Variants in TRAPPC2L observed in about 807,000 individuals in gnomAD.
TRAPPC2L encodes trafficking protein particle complex subunit 2L.
TRAPPC2L carries 17 observed loss-of-function variants against 13.2 expected under a neutral mutation model. That is an observed-to-expected ratio of 1.29 (90% CI 0.88 to 1.93). The LOEUF (loss-of-function observed/expected upper bound fraction) is 1.93, where lower values mean the gene tolerates loss of function less well. Ranked by LOEUF, TRAPPC2L falls within the 30% of genes most tolerant of loss-of-function variation. TRAPPC2L has a pLI of 0.00. For synonymous variants in TRAPPC2L, 150 were observed against 98.1 expected, an observed-to-expected ratio of 1.53 and a Z score of -3.12; for missense variants, 359 against 252.1, an observed-to-expected ratio of 1.42 and a Z score of -2.87.
At chr16:88,859,361 G>C in intron 2 of TRAPPC2L, 1 of 688,898 alleles carries the variant, frequency 1.5e-6, no homozygotes, top group Non-Finnish European at 2.7e-6. Context: ...TTCCGGGCCA[G>C]GCATTGATTC....
intron 1 of TRAPPC2L, chr16:88,857,518 G>C (rs934444797): frequency 4.1e-5 from 14 of 344,438 alleles, no homozygotes; most frequent in Non-Finnish European, 5.8e-5. Context: ...GTCCAGCGCT[G>C]GTTCCCCGCG....
At chr16:88,856,612 C>T (rs1967912563), upstream of TRAPPC2L, 1 of 568,112 alleles carries the variant, frequency 1.8e-6, no homozygotes, top group African/African-American at 2.0e-5. Flanking sequence ...CTCCTCCCCG[C>T]GCGGGGCCTC....
chr16:88,860,777 C>T (rs770360268), exon 4 of TRAPPC2L: 1 of 946,770 alleles, frequency 1.1e-6, no homozygotes, highest in Non-Finnish European at 1.6e-6. Context: ...GTCCTGGCCT[C>T]TCAGCGGAGT....
At chr16:88,861,226 C>T (rs1968367590) in exon 4 of TRAPPC2L, 3 of 501,484 alleles carry the variant, frequency 6.0e-6, no homozygotes, top group Non-Finnish European at 1.1e-5. Context: ...GTAGCCTGTC[C>T]TCAGTTGTCC....
exon 4 of TRAPPC2L, chr16:88,862,104 G>A: frequency 6.4e-6 from 1 of 155,664 alleles, no homozygotes; most frequent in South Asian, 1.8e-4. Flanking sequence ...AGAGCCTCAT[G>A]TTTGTTAGGA....
rs1344490714 is a variant in TRAPPC2L, at chr16:88,859,763, G to A, written c.294+13G>A. 3.1e-6 allele frequency: 5 copies of A among 1,611,100 alleles called. No individual in the cohort carries two copies. The South Asian group carries it at 3.3e-5, about 11-fold the overall frequency. On this transcript the variant is annotated intron_variant, in intron 3 of 3. Coordinates refer to ENST00000565504, the Ensembl canonical transcript of TRAPPC2L. ...CGAAATTCGCAGCGTAAGTCAGGGA[G>A]TTAGAGGGCCACGCCCGAGTGGGTG...
chr16:88,857,064 A>C (rs878873723), upstream of TRAPPC2L: 4 of 1,482,176 alleles, frequency 2.7e-6, no homozygotes, highest in East Asian at 2.7e-5. Flanking sequence ...GGCCTGAGCC[A>C]GCTGTGTGCG....
chr16:88,858,592 T>C (rs774081866), intron 1 of TRAPPC2L, 27 bp from the exon 2 acceptor site: 4 of 1,607,606 alleles, frequency 2.5e-6, no homozygotes, highest in East Asian at 4.5e-5. Context: ...GTCTTGTCCT[T>C]TCAGTCGCCG....
At position 88,860,825 on chromosome 16, in the gene TRAPPC2L, T is replaced by C. The variant is rs950390996; in HGVS notation, c.*501T>C. 2.1e-6 allele frequency: 3 copies of C among 1,420,978 alleles called. No individual in the cohort carries two copies. The East Asian group carries it at 7.3e-5, about 35-fold the overall frequency. 88.0% of individuals were successfully genotyped at this position (1,420,978 alleles called of 1,614,324 possible). A position where few individuals can be genotyped will look rare whatever the true frequency, so the allele number is the denominator to read the frequency against. On this transcript the variant is annotated 3_prime_UTR_variant, in exon 4 of 4. Transcript: ENST00000565504. ...ACCCTGGAGAAGGTCCCGAGCATCC[T>C]GTGGATGGAGCCATGCTGCCCGGCC...
intron 1 of TRAPPC2L, 32 bp downstream of exon 1, chr16:88,857,215 C>T (rs375967968): frequency 1.3e-6 from 2 of 1,518,882 alleles, no homozygotes; most frequent in Non-Finnish European, 1.8e-6. Flanking sequence ...CGTCCGGGCT[C>T]GCACCATCCT....
exon 4 of TRAPPC2L, chr16:88,861,260 C>T: frequency 2.3e-6 from 1 of 443,450 alleles, no homozygotes; most frequent in South Asian, 2.2e-5. Context: ...GCAGGGGTGC[C>T]TGGAGCCAAG....
At chr16:88,860,246 C>A in exon 4 of TRAPPC2L, 1 of 702,428 alleles carries the variant, frequency 1.4e-6, no homozygotes. Flanking sequence ...CAGTGGGTAC[C>A]TGGGGCACCT....
upstream of TRAPPC2L, chr16:88,856,903 C>G (rs1451204446): frequency 1.0e-5 from 15 of 1,498,634 alleles, no homozygotes; most frequent in African/African-American, 2.9e-5. Flanking sequence ...CGCGGAGCCC[C>G]GGCCAGCGAG....
intron 2 of TRAPPC2L, chr16:88,859,315 G>C (rs933774454): frequency 3.1e-6 from 2 of 645,166 alleles, no homozygotes; most frequent in East Asian, 3.1e-5. Context: ...GAGGGGATCC[G>C]CCTTGTTCAC....
At chr16:88,857,145 C>T in exon 1 of TRAPPC2L, 4 of 1,579,146 alleles carry the variant, frequency 2.5e-6, no homozygotes, top group Non-Finnish European at 2.6e-6. Context: ...CGCCGAGCCT[C>T]CCAAGATGGC....
At chr16:88,860,087 T>C in exon 4 of TRAPPC2L, 2 of 1,006,942 alleles carry the variant, frequency 2.0e-6, no homozygotes, top group Admixed American at 1.8e-5. Context: ...TTTTAAGCTA[T>C]GAGCACCATC....
chr16:88,856,800 G>A (rs1460401511), upstream of TRAPPC2L: 3 of 1,540,692 alleles, frequency 1.9e-6, no homozygotes, highest in Admixed American at 1.9e-5. Context: ...GCTGCGGGGC[G>A]CCCGAGGCCC....
exon 4 of TRAPPC2L, chr16:88,860,853 T>G: frequency 6.5e-7 from 1 of 1,540,370 alleles, no homozygotes; most frequent in Non-Finnish European, 8.8e-7. Context: ...GCCCGGCCCG[T>G]CTCTGAGCAG....
exon 4 of TRAPPC2L, chr16:88,862,336 C>G (rs1968442915): frequency 6.6e-6 from 1 of 152,550 alleles, no homozygotes; most frequent in Admixed American, 6.5e-5. Flanking sequence ...CCCTTGCAGC[C>G]CGGGGTGTGC....
Sources: gnomAD v4.1 joint callset for allele counts on GRCh38, gnomAD v4.1.1 for gene constraint, MANE v1.5 for transcripts, NCBI Gene and HGNC (gene_info 2026-07-23, HGNC 2026-07-21) for gene names.